The following VEGFC variants were observed in gnomAD, a reference collection of about 807,000 sequenced individuals.
VEGFC encodes the protein FLT4 ligand DHM.
A neutral mutation model predicts 46.1 loss-of-function variants in VEGFC; 12 were observed. The observed-to-expected ratio is 0.26, with a 90% CI of 0.17 to 0.42. VEGFC has a LOEUF of 0.42. Among genes scored for constraint, VEGFC ranks in the 10% least tolerant of loss-of-function variants. The pLI is 1.00. For synonymous variants in VEGFC, 232 were observed against 195.5 expected (o/e 1.19, Z -1.56); for missense variants, 488 against 529.4 (o/e 0.92, Z 0.77).
Position 176,792,459 on chromosome 4 carries a change from A to T in VEGFC, c.-148T>A, listed in dbSNP as rs1006997100. The T allele has an allele frequency of 1.8e-6, 1 of 551,846 alleles. No individual in the cohort carries two copies. Among genetic ancestry groups the T allele is most frequent in the African/African-American group, 2.0e-5 (1 of 49,618 alleles). The allele number at this position is 551,846 out of a possible 1,614,324, so 34.2% of individuals were successfully genotyped here. A position where few individuals can be genotyped will look rare whatever the true frequency, so the allele number is the denominator to read the frequency against. On this transcript the variant is annotated 5_prime_UTR_variant, in exon 1 of 7. Transcript: ENST00000618562. This position sits in a 1 kb window ranked among gnomAD's most constrained non-coding sequence, Gnocchi z 6.3. ...CCCTGGGCGAGCCGGAGGCGGCGGG[A>T]GCGGGTCCGGGGCTCCGCGTTCCCA...
At chr4:176,717,785 A>G (rs1271217335) in intron 3 of VEGFC, among the ~76,000 whole-genome samples, 2 of 152,124 alleles carry the variant, frequency 1.3e-5, no homozygotes, top group African/African-American at 2.4e-5. Context: ...ATTAATAACT[A>G]TAAAATCAGA....
At chr4:176,746,929 T>C (rs1425289465) in intron 1 of VEGFC, among the ~76,000 whole-genome samples, 1 of 152,172 alleles carries the variant, frequency 6.6e-6, no homozygotes, top group Non-Finnish European at 1.5e-5. Flanking sequence ...AGAAATTTAC[T>C]CATTGCTTGA....
intron 1 of VEGFC, among the ~76,000 whole-genome samples, chr4:176,753,242 T>C (rs1396167811): frequency 6.6e-6 from 1 of 152,018 alleles, no homozygotes; most frequent in Non-Finnish European, 1.5e-5. Flanking sequence ...GCAGAGGGTG[T>C]GAAGGAATGA....
intron 1 of VEGFC, among the ~76,000 whole-genome samples, chr4:176,778,517 T>C (rs1316299068): frequency 6.6e-6 from 1 of 151,986 alleles, no homozygotes; most frequent in African/African-American, 2.4e-5. Flanking sequence ...AGGCCAGAAA[T>C]CCCAAATTAT....
At chr4:176,739,911 A>C (rs1277913394) in intron 1 of VEGFC, among the ~76,000 whole-genome samples, 1 of 148,758 alleles carries the variant, frequency 6.7e-6, no homozygotes, top group Non-Finnish European at 1.5e-5. Flanking sequence ...TGCAAGTCTA[A>C]ATGCCAGGCT....
intron 3 of VEGFC, among the ~76,000 whole-genome samples, chr4:176,724,534 T>C (rs981619767): frequency 1.9e-4 from 29 of 152,198 alleles, no homozygotes; most frequent in African/African-American, 6.3e-4. Context: ...ACTACAAATA[T>C]TGGGTCTAAT....
intron 1 of VEGFC, among the ~76,000 whole-genome samples, chr4:176,782,587 A>G (rs1735935476): frequency 1.3e-5 from 2 of 152,284 alleles, no homozygotes; most frequent in Admixed American, 1.3e-4. Flanking sequence ...ATAATTGGGA[A>G]AACATAATAG....
chr4:176,738,300 T>G (rs1166266021), intron 1 of VEGFC, among the ~76,000 whole-genome samples: 1 of 152,002 alleles, frequency 6.6e-6, no homozygotes, highest in Non-Finnish European at 1.5e-5. Context: ...GATTTCAAAC[T>G]ATACTACAAG....
intron 1 of VEGFC, among the ~76,000 whole-genome samples, chr4:176,761,755 CTTTA>C (rs971118806): frequency 5.9e-5 from 9 of 152,220 alleles, no homozygotes; most frequent in African/African-American, 2.2e-4. Flanking sequence ...CTTTTGTTAA[CTTTA>C]TTATTATAGG....
At chr4:176,786,393 T>C (rs1736002690) in intron 1 of VEGFC, among the ~76,000 whole-genome samples, 1 of 152,210 alleles carries the variant, frequency 6.6e-6, no homozygotes, top group African/African-American at 2.4e-5. Flanking sequence ...TGTACTTTGC[T>C]GTCATTCTTC....
At chr4:176,688,817 T>G (rs1331259881) in intron 4 of VEGFC, among the ~76,000 whole-genome samples, 1 of 152,176 alleles carries the variant, frequency 6.6e-6, no homozygotes, top group South Asian at 2.1e-4. Flanking sequence ...CTCAGCTTGC[T>G]CATTTTCTCC....
chr4:176,708,430 A>G (rs778931210), intron 4 of VEGFC, among the ~76,000 whole-genome samples: 7 of 152,154 alleles, frequency 4.6e-5, no homozygotes, highest in Non-Finnish European at 7.4e-5. Context: ...TTATGTATAA[A>G]GCACAGAGAT....
intron 1 of VEGFC, among the ~76,000 whole-genome samples, chr4:176,746,525 C>T (rs574522850): frequency 2.2e-4 from 34 of 152,172 alleles, no homozygotes; most frequent in Admixed American, 1.8e-3. Flanking sequence ...TTTGTGAGCA[C>T]CAGTTTCCAT....
intron 3 of VEGFC, among the ~76,000 whole-genome samples, chr4:176,721,102 C>T (rs889390960): frequency 6.6e-6 from 1 of 151,910 alleles, no homozygotes; most frequent in Admixed American, 6.6e-5. Context: ...ATTGACATAA[C>T]CCAAGAAGTG....
rs1553997824 is a variant in VEGFC, at chr4:176,780,390, A to AAAAAAAAAAAACAAC, written c.147+11774_147+11775insGTTGTTTTTTTTTTT. Among the ~76,000 whole-genome samples the AAAAAAAAAAAACAAC allele has an allele frequency of 1.3e-4, 19 of 150,614 alleles. No individual in the cohort carries two copies. In the South Asian group the frequency reaches 2.7e-3, roughly 22 times the overall value. ...GAGCGAGACTCCATCTCAAAAAAAAAAAAAAAAAACTCCTTCTAACCCATT... is the reference window on the plus strand; with the variant it reads ...GAGCGAGACTCCATCTCAAAAAAAAAAAAAAAAAAAACAACAAAAAAAAACTCCTTCTAACCCATT... On this transcript the variant is annotated intron_variant, in intron 1 of 6. Coordinates refer to ENST00000618562, the MANE Select transcript of VEGFC (RefSeq NM_005429.5).
intron 1 of VEGFC, among the ~76,000 whole-genome samples, chr4:176,788,180 A>G (rs1736034495): frequency 6.6e-6 from 1 of 152,232 alleles, no homozygotes; most frequent in African/African-American, 2.4e-5. Flanking sequence ...GTTTGTCAGA[A>G]AATCTTGTTA....
intron 1 of VEGFC, among the ~76,000 whole-genome samples, chr4:176,754,253 T>C (rs979041048): frequency 6.6e-6 from 1 of 151,602 alleles, no homozygotes; most frequent in Non-Finnish European, 1.5e-5. Context: ...TTACTTGAGG[T>C]GACTTTACCT....
chr4:176,734,912 A>T (rs1365110201), intron 1 of VEGFC, among the ~76,000 whole-genome samples: 1 of 151,888 alleles, frequency 6.6e-6, no homozygotes, highest in Non-Finnish European at 1.5e-5. Flanking sequence ...TGAAAGCAGA[A>T]ATTAAATAAA....
At chr4:176,710,308 G>A (rs967585325) in intron 4 of VEGFC, among the ~76,000 whole-genome samples, 6 of 152,124 alleles carry the variant, frequency 3.9e-5, no homozygotes, top group African/African-American at 9.7e-5. Context: ...TCTAGCCTGC[G>A]GGGATGAAAT....
Sources: gnomAD v4.1 joint callset for allele counts (sites outside exome capture counted in the v4.1 genomes callset) on GRCh38, gnomAD v4.1.1 for gene constraint, Gnocchi (gnomAD v3.1) non-coding constraint, MANE v1.5 for transcripts, NCBI Gene and HGNC (gene_info 2026-07-23, HGNC 2026-07-21) for gene names.